Variants in CPNE6 observed in about 807,000 individuals in gnomAD.
CPNE6 encodes copine-6.
Under a neutral mutation model 71.5 loss-of-function variants are expected in CPNE6, and 33 were observed. That is an observed-to-expected ratio of 0.46 (90% CI 0.35 to 0.62). The LOEUF (loss-of-function observed/expected upper bound fraction) is 0.62. CPNE6 is among the 20% of genes least tolerant of loss of function. The pLI is 0.00. For missense variants in CPNE6, 576 were observed against 747.3 expected, an observed-to-expected ratio of 0.77 and a Z score of 2.67; for synonymous variants, 296 against 293.0, an observed-to-expected ratio of 1.01 and a Z score of -0.10.
chr14:24,075,093 A>G lies in CPNE6; in HGVS notation c.673-79A>G. ...CTAAGGCCCAAGTCCCCCTACTCCAAGTCCCCGAGTCCCCCTACTCACCGT... is the reference window on the plus strand; with the variant it reads ...CTAAGGCCCAAGTCCCCCTACTCCAGGTCCCCGAGTCCCCCTACTCACCGT... On this transcript the variant is annotated intron_variant, in intron 8 of 17. Transcript: ENST00000397016. This position sits in a 1 kb window ranked among gnomAD's most constrained non-coding sequence, Gnocchi z 4.3. The G allele has an allele frequency of 1.9e-6, 2 of 1,032,498 alleles. No individual in the cohort carries two copies. The highest frequency in any genetic ancestry group is 2.4e-5 in the East Asian group (1 of 42,190). The allele number at this position is 1,032,498 out of a possible 1,614,324, so 64.0% of individuals were successfully genotyped here.
rs778763845 is a variant in CPNE6 at position 24,074,266 on chromosome 14, C to G, written c.424-25C>G. On this transcript the variant is annotated intron_variant, in intron 5 of 17. Transcript: ENST00000397016. The surrounding 1 kb of genome is among the most constrained non-coding windows in gnomAD (Gnocchi z 4.5). The stretch of plus-strand genomic sequence containing the variant: ...GCCCTTGTGGTAAGGTTAGGGGAGT[C>G]CTGCCACTTGTATCCCCCTTGCAGA... The G allele has an allele frequency of 6.3e-7, 1 of 1,596,228 alleles. No homozygotes were observed.
rs146313186 is a variant in CPNE6, at chr14:24,076,368, G to A, written c.1067G>A (p.Arg356Gln). ...CTTTTTCTTCTCCCCAGTGATAAGC[G>A]GTTCCCAGCTTTTGGCTTTGGGGCT... Residue 356 changes from arginine (R) to glutamine (Q), a missense_variant, in exon 13 of 18, where the codon CGG becomes CAG. By Grantham distance (43) the Arg-to-Gln change is conservative. Transcript: ENST00000397016. 122 of 1,614,046 alleles carry A rather than the reference G, an allele frequency of 7.6e-5. No homozygotes were observed. Among genetic ancestry groups the A allele is most frequent in the Middle Eastern group, 1.6e-4 (1 of 6,084 alleles).
intron 14 of CPNE6, 152 bp downstream of exon 13, chr14:24,076,709 ATCTGCACCCAAC>A: frequency 2.8e-6 from 4 of 1,433,260 alleles, no homozygotes; most frequent in Non-Finnish European, 9.7e-7. Context: ...GAGGCCCAGC[ATCTGCACCCAAC>A]TCTCCCTGCC....
chr14:24,071,658 T>A lies in CPNE6; in HGVS notation c.-5+17T>A, dbSNP rs2035905981. The A allele has an allele frequency of 2.4e-6, 2 of 827,080 alleles. No individual in the cohort carries two copies. The highest frequency in any genetic ancestry group is 2.0e-5 in the Admixed American group (1 of 49,634). The allele number at this position is 827,080 out of a possible 1,614,324, so 51.2% of individuals were successfully genotyped here. On this transcript the variant is annotated intron_variant, in intron 2 of 17. Transcript: ENST00000397016. ...AGAGCCCAGGTGAGCCCACCCTTCC[T>A]CCCCAGCCCAGCCCCAGCCCAGCCC...
Position 24,075,715 on chromosome 14 carries a change from A to C in CPNE6, c.865-112A>C. On this transcript the variant is annotated intron_variant, in intron 10 of 17. Transcript: ENST00000397016. The surrounding 1 kb of genome is among the most constrained non-coding windows in gnomAD (Gnocchi z 4.3). ...TTCTGGGAACTGGAAACCACCCCCA[A>C]CTGCAACCCAAAAAACTCTGGCTCC... is the stretch of plus-strand genomic sequence containing the variant. 1 of 1,354,796 alleles carries C rather than the reference A, an allele frequency of 7.4e-7. No homozygotes were observed. The allele number at this position is 1,354,796 out of a possible 1,614,324, so 83.9% of individuals were successfully genotyped here. A position where few individuals can be genotyped will look rare whatever the true frequency, so the allele number is the denominator to read the frequency against.
rs772786077 is a variant in CPNE6, at chr14:24,074,038, C to A, written c.349-13C>A. 13 of 1,612,526 alleles carry A rather than the reference C, an allele frequency of 8.1e-6. No individual in the cohort carries two copies. The highest frequency in any genetic ancestry group is 2.2e-5 in the South Asian group (2 of 91,058). On this transcript the variant is annotated splice_polypyrimidine_tract_variant and intron_variant, in intron 4 of 17. Coordinates refer to ENST00000397016, the Ensembl canonical transcript of CPNE6. The surrounding 1 kb of genome is among the most constrained non-coding windows in gnomAD (Gnocchi z 4.5). ...GATGTCACAGCTGGGTCTCCCTCCA[C>A]CTCCATCCCCAGATTGTGTCACAAA...
Position 24,077,439 on chromosome 14 carries a change from C to A in CPNE6, c.1536+49C>A. 1.3e-6 allele frequency: 2 copies of A among 1,579,032 alleles called. No homozygotes were observed. The highest frequency in any genetic ancestry group is 2.2e-5 in the East Asian group (1 of 44,688). On this transcript the variant is annotated intron_variant, in intron 16 of 17. Transcript: ENST00000397016. The surrounding 1 kb of genome is among the most constrained non-coding windows in gnomAD (Gnocchi z 6.1). ...GCTGAAGGACTCCTCAGCTTCTCAT[C>A]CCCCCAAATCTGACCTTCGTCTTCC... is the stretch of plus-strand genomic sequence containing the variant.
At chr14:24,076,706 A>G (rs1238766540) in intron 14 of CPNE6, 149 bp downstream of exon 13, 2 of 1,435,098 alleles carry the variant, frequency 1.4e-6, no homozygotes, top group South Asian at 1.2e-5. Flanking sequence ...GCCGAGGCCC[A>G]GCATCTGCAC....
Position 24,077,398 on chromosome 14 carries a change from C to T in CPNE6, c.1536+8C>T. 1 of 1,611,962 alleles carries T rather than the reference C, an allele frequency of 6.2e-7. No individual in the cohort carries two copies. The highest frequency in any genetic ancestry group is 8.5e-7 in the Non-Finnish European group (1 of 1,178,254). ...TTCCGAGACTTCAAGGATGTGAGTC[C>T]CCCGGGCCCCTTCCGGCTGAAGGAC... On this transcript the variant is annotated splice_region_variant and intron_variant, in intron 16 of 17. Transcript: ENST00000397016. The surrounding 1 kb of genome is among the most constrained non-coding windows in gnomAD (Gnocchi z 6.1).
In CPNE6 at chr14:24,076,182, C is replaced by A. The variant is rs1202453080; in HGVS notation, c.958C>A (p.Pro320Thr). 3 of 1,614,018 alleles carry A rather than the reference C, an allele frequency of 1.9e-6. No homozygotes were observed. The Admixed American group carries it at 5.0e-5, about 27-fold the overall frequency. ...TGACTTCACCGCCTCCAATGGGGAC[C>A]CGAGGAGCAGCCAGTCCCTGCACTG... The change falls in exon 12 of 18, where the codon CCG (proline) becomes ACG (threonine). Residue 320 changes from proline to threonine, a missense_variant. Physicochemically the swap from Pro to Thr is conservative, Grantham distance 38. Around this residue, in one of 4 missense-constraint regions of CPNE6, gnomAD observed 264 missense variants for 339.9 expected, o/e 0.78. Coordinates refer to ENST00000397016, the Ensembl canonical transcript of CPNE6.
At position 24,071,558 on chromosome 14, in the gene CPNE6, A is replaced by AGCCGGC; in HGVS notation, c.-84_-79dup. 8.1e-7 allele frequency: 1 copy of AGCCGGC among 1,236,646 alleles called. No homozygotes were observed. Among genetic ancestry groups the AGCCGGC allele is most frequent in the Non-Finnish European group, 1.0e-6 (1 of 959,084 alleles). 76.6% of individuals were successfully genotyped at this position (1,236,646 alleles called of 1,614,324 possible). A position where few individuals can be genotyped will look rare whatever the true frequency, so the allele number is the denominator to read the frequency against. On this transcript the variant is annotated 5_prime_UTR_variant, in exon 2 of 18. Coordinates refer to ENST00000397016, the Ensembl canonical transcript of CPNE6. ...TAAATAGCAGCAGAGCCGGAGCTGG[A>AGCCGGC]GCCGGCGCCAGCGGCTGGAGCAGCA...
chr14:24,077,107 C>T lies in CPNE6; in HGVS notation c.1300-47C>T, dbSNP rs1416301596. 1 of 1,594,442 alleles carries T rather than the reference C, an allele frequency of 6.3e-7. No homozygotes were observed. Among genetic ancestry groups the T allele is most frequent in the South Asian group, 1.1e-5 (1 of 90,414 alleles). On this transcript the variant is annotated intron_variant, in intron 15 of 17. Coordinates refer to ENST00000397016, the Ensembl canonical transcript of CPNE6. The surrounding 1 kb of genome is among the most constrained non-coding windows in gnomAD (Gnocchi z 6.1). ...CACCTTGGTGGAAACGGTGTCAACG[C>T]CCTTGCACACAAAGCCAACCCTTCC...
chr14:24,077,232 T>TCCC lies in CPNE6; in HGVS notation c.1379_1381dup (p.Ser460_Arg461insPro). On this transcript the variant is annotated inframe_insertion, in exon 16 of 18. Transcript: ENST00000397016. The surrounding 1 kb of genome is among the most constrained non-coding windows in gnomAD (Gnocchi z 6.1). ...GACTCGCACTGCTATCGTGCGTGCC[T>TCCC]CCCGCCTGCCCATGTCCATCATCAT... 1 of 1,613,084 alleles carries TCCC rather than the reference T, an allele frequency of 6.2e-7. No individual in the cohort carries two copies. Among genetic ancestry groups the TCCC allele is most frequent in the Non-Finnish European group, 8.5e-7 (1 of 1,180,008 alleles).
chr14:24,075,560 G>A lies in CPNE6; in HGVS notation c.833G>A (p.Ser278Asn). Residue 278 changes from serine to asparagine, a missense_variant, in exon 10 of 18, where the codon AGC becomes AAC. Ser to Asn is a conservative substitution (Grantham distance 46). Coordinates refer to ENST00000397016, the Ensembl canonical transcript of CPNE6. The surrounding 1 kb of genome is among the most constrained non-coding windows in gnomAD (Gnocchi z 4.3). The stretch of plus-strand genomic sequence containing the variant: ...CGGGACAAGAAGAAGAATTACAAGA[G>A]CTCAGGGACGGTAGTGCTGGCCCAG... The A allele has an allele frequency of 6.2e-7, 1 of 1,612,462 alleles. No homozygotes were observed. The highest frequency in any genetic ancestry group is 2.2e-5 in the East Asian group (1 of 44,862).
Position 24,074,836 on chromosome 14 carries a change from C to A in CPNE6, c.672+41C>A. The A allele has an allele frequency of 1.3e-6, 2 of 1,538,580 alleles. No homozygotes were observed. The highest frequency in any genetic ancestry group is 1.8e-6 in the Non-Finnish European group (2 of 1,121,588). On this transcript the variant is annotated intron_variant, in intron 8 of 17. Coordinates refer to ENST00000397016, the Ensembl canonical transcript of CPNE6. This position sits in a 1 kb window ranked among gnomAD's most constrained non-coding sequence, Gnocchi z 4.5. ...AGCCAGCACAGCCTACTTAGAGCAA[C>A]CAATCTGCTATCTAAGACCTTTCCC... is the stretch of plus-strand genomic sequence containing the variant.
rs202054800 is a variant in CPNE6, at chr14:24,076,488, C to G, written c.1114-18C>G. On this transcript the variant is annotated intron_variant, in intron 13 of 17. Coordinates refer to ENST00000397016, the Ensembl canonical transcript of CPNE6. Reference sequence around the variant, plus strand: ...GCAGAAAAGGCAGGCCCTCACTGCTCCCGCCTTGCCCTCACAGGTGTCCCA... The same window carrying G: ...GCAGAAAAGGCAGGCCCTCACTGCTGCCGCCTTGCCCTCACAGGTGTCCCA... 4.3e-6 allele frequency: 7 copies of G among 1,614,158 alleles called. No homozygotes were observed. Among genetic ancestry groups the G allele is most frequent in the Non-Finnish European group, 5.9e-6 (7 of 1,180,014 alleles).
exon 12 of CPNE6, chr14:24,076,246 T>C (rs548376004): frequency 6.2e-7 from 1 of 1,614,156 alleles, no homozygotes; most frequent in African/African-American, 1.3e-5. Context: ...CTGCAGGCCC[T>C]GCGTGCAGTG....
rs1424468525 is a variant in CPNE6 at position 24,074,879 on chromosome 14, C to T, written c.672+84C>T. The T allele has an allele frequency of 8.4e-6, 9 of 1,072,676 alleles. No homozygotes were observed. Among genetic ancestry groups the T allele is most frequent in the African/African-American group, 6.2e-5 (4 of 64,042 alleles). The allele number at this position is 1,072,676 out of a possible 1,614,324, so 66.4% of individuals were successfully genotyped here. ...CCTTTCCCCTGCATGTGGCAAGCCTCCCTCCTCTCCCCCAAGTGATAATCA... is the reference window on the plus strand; with the variant it reads ...CCTTTCCCCTGCATGTGGCAAGCCTTCCTCCTCTCCCCCAAGTGATAATCA... On this transcript the variant is annotated intron_variant, in intron 8 of 17. Transcript: ENST00000397016. This position sits in a 1 kb window ranked among gnomAD's most constrained non-coding sequence, Gnocchi z 4.5.
Position 24,074,801 on chromosome 14 carries a change from G to C in CPNE6, c.672+6G>C, listed in dbSNP as rs1307887769. 3 of 1,608,758 alleles carry C rather than the reference G, an allele frequency of 1.9e-6. No homozygotes were observed. In the South Asian group the frequency reaches 3.3e-5, roughly 18 times the overall value. On this transcript the variant is annotated splice_donor_region_variant and intron_variant, in intron 8 of 17. Coordinates refer to ENST00000397016, the Ensembl canonical transcript of CPNE6. This position sits in a 1 kb window ranked among gnomAD's most constrained non-coding sequence, Gnocchi z 4.5. Reference sequence around the variant, plus strand: ...ATGTTCACCGACCTCTCAAGGTGAAGTCCCAGCCAAGCCAGCACAGCCTAC... The same window carrying C: ...ATGTTCACCGACCTCTCAAGGTGAACTCCCAGCCAAGCCAGCACAGCCTAC...
Sources: gnomAD v4.1 joint callset for allele counts on GRCh38, gnomAD v4.1.1 for gene constraint, gnomAD v4.1.1 regional missense constraint, Gnocchi (gnomAD v3.1) non-coding constraint, MANE v1.5 for transcripts, NCBI Gene and HGNC (gene_info 2026-07-23, HGNC 2026-07-21) for gene names.